SOHLH2: variants seen among roughly 807,000 people sequenced by gnomAD.
The protein encoded by SOHLH2 is spermatogenesis and oogenesis specific basic helix-loop-helix 2.
In SOHLH2, 22 loss-of-function variants were observed where a neutral mutation model predicts 50.4. That is an observed-to-expected ratio of 0.44 (90% CI 0.31 to 0.62). The LOEUF (loss-of-function observed/expected upper bound fraction) is 0.62. Ranked by LOEUF, SOHLH2 falls within the 20% of genes least tolerant of loss-of-function variation. SOHLH2 has a pLI of 0.08. For missense variants in SOHLH2, 412 were observed against 504.4 expected, an observed-to-expected ratio of 0.82 and a Z score of 1.76; for synonymous variants, 185 against 187.3, an observed-to-expected ratio of 0.99 and a Z score of 0.10.
At chr13:36,202,491 T>C (rs1868482250) in intron 1 of SOHLH2, among the ~76,000 whole-genome samples, 5 of 152,252 alleles carry the variant, frequency 3.3e-5, no homozygotes, top group Admixed American at 3.3e-4. Flanking sequence ...TGATTTATTT[T>C]GGTGAAACAC....
Position 36,214,507 on chromosome 13 carries a change from C to T in SOHLH2, c.20G>A (p.Cys7Tyr), listed in dbSNP as rs775577345. Residue 7 changes from cysteine to tyrosine, a missense_variant, in exon 1 of 11, where the codon TGC becomes TAC. By Grantham distance (194) the Cys-to-Tyr change is radical. Coordinates refer to ENST00000379881, the MANE Select transcript of SOHLH2 (RefSeq NM_017826.3). ...GCCCGAGATCTGGCAGTGCTCCTGG[C>T]AGATAATTGAGGAAGCCATGGCCGC... is the stretch of plus-strand genomic sequence containing the variant. Reference protein sequence around the residue: MASSIICQEHCQISGQA... With the variant: MASSIIYQEHCQISGQA... 1.2e-6 allele frequency: 2 copies of T among 1,612,758 alleles called. No homozygotes were observed. Among genetic ancestry groups the T allele is most frequent in the Non-Finnish European group, 1.7e-6 (2 of 1,179,534 alleles).
At chr13:36,198,360 C>T (rs77358904) in intron 2 of SOHLH2, among the ~76,000 whole-genome samples, 4,392 of 152,258 alleles carry the variant, frequency 0.029, 86 homozygotes, top group African/African-American at 0.05. Context: ...TCTGAATTAT[C>T]AAGTATCTGC....
chr13:36,175,836 G>A (rs913697854), intron 6 of SOHLH2, among the ~76,000 whole-genome samples: 20 of 152,126 alleles, frequency 1.3e-4, no homozygotes, highest in African/African-American at 4.8e-4. Context: ...GAACTATTCT[G>A]GGAAGGGAAG....
chr13:36,176,063 A>G (rs927746497), intron 6 of SOHLH2, among the ~76,000 whole-genome samples: 2 of 152,198 alleles, frequency 1.3e-5, no homozygotes, highest in African/African-American at 4.8e-5. Flanking sequence ...GCTGCTGTAC[A>G]TTATTAGTTC....
chr13:36,205,770 A>C (rs547864269), intron 1 of SOHLH2, among the ~76,000 whole-genome samples: 10 of 152,184 alleles, frequency 6.6e-5, no homozygotes, highest in Admixed American at 4.6e-4. Flanking sequence ...AATAGTTTAT[A>C]AAACACAGAA....
At chr13:36,181,096 G>A (rs1028879021) in intron 6 of SOHLH2, among the ~76,000 whole-genome samples, 6 of 152,066 alleles carry the variant, frequency 3.9e-5, no homozygotes, top group Non-Finnish European at 7.4e-5. Flanking sequence ...AAAAGTTGAC[G>A]CTTGTATCAT....
intron 6 of SOHLH2, among the ~76,000 whole-genome samples, chr13:36,188,458 C>T (rs1287832192): frequency 6.6e-6 from 1 of 152,182 alleles, no homozygotes; most frequent in Non-Finnish European, 1.5e-5. Flanking sequence ...AAATACTTCA[C>T]ACCTTCATTT....
intron 6 of SOHLH2, among the ~76,000 whole-genome samples, chr13:36,183,742 T>C (rs553192190): frequency 6.6e-6 from 1 of 152,254 alleles, no homozygotes; most frequent in Non-Finnish European, 1.5e-5. Context: ...AAAAAAACCA[T>C]GCAAACACTA....
rs1392730331 is a variant in SOHLH2 at position 36,211,477 on chromosome 13, A to C, written c.48+3002T>G. Among the ~76,000 whole-genome samples, 5 of 152,386 alleles carry C rather than the reference A, an allele frequency of 3.3e-5. No homozygotes were observed. In the East Asian group the frequency reaches 9.6e-4, roughly 29 times the overall value. ...AGGTCCTTGCCCTCATGGGGCTTAC[A>C]TTCTAATAGCCCTTTTCTCTGCTGA... On this transcript the variant is annotated intron_variant, in intron 1 of 10. Transcript: ENST00000379881.
intron 6 of SOHLH2, among the ~76,000 whole-genome samples, chr13:36,187,954 G>A (rs1004303178): frequency 2.0e-5 from 3 of 152,102 alleles, no homozygotes; most frequent in African/African-American, 7.2e-5. Context: ...AAGTGGCCTG[G>A]GCCCAGGCCT....
intron 9 of SOHLH2, among the ~76,000 whole-genome samples, chr13:36,172,345 C>T (rs1886982260): frequency 1.3e-5 from 2 of 152,210 alleles, no homozygotes; most frequent in Admixed American, 1.3e-4. Flanking sequence ...TCACATTCAG[C>T]CACTGCTACT....
intron 1 of SOHLH2, among the ~76,000 whole-genome samples, chr13:36,205,802 G>A (rs1868724579): frequency 6.6e-6 from 1 of 151,896 alleles, no homozygotes; most frequent in Non-Finnish European, 1.5e-5. Flanking sequence ...CTTAAGTTTA[G>A]GTAAAACATG....
At chr13:36,172,349 T>C (rs1215783516) in intron 9 of SOHLH2, among the ~76,000 whole-genome samples, 1 of 152,248 alleles carries the variant, frequency 6.6e-6, no homozygotes, top group African/African-American at 2.4e-5. Context: ...ATTCAGCCAC[T>C]GCTACTTATG....
intron 1 of SOHLH2, among the ~76,000 whole-genome samples, chr13:36,203,891 T>C (rs1020222300): frequency 2.0e-5 from 3 of 152,052 alleles, no homozygotes; most frequent in Non-Finnish European, 4.4e-5. Flanking sequence ...GTTTATACAG[T>C]CTGGATATTA....
intron 8 of SOHLH2, among the ~76,000 whole-genome samples, 154 bp downstream of exon 8, chr13:36,174,322 C>T (rs954025505): frequency 2.0e-5 from 3 of 152,174 alleles, no homozygotes; most frequent in South Asian, 2.1e-4. Flanking sequence ...ATCACTGCAA[C>T]GAAATGATAC....
chr13:36,211,162 AGGGTGTAT>A (rs1192851168), intron 1 of SOHLH2, among the ~76,000 whole-genome samples: 1 of 152,244 alleles, frequency 6.6e-6, no homozygotes, highest in African/African-American at 2.4e-5. Context: ...TAATACGATC[AGGGTGTAT>A]GGCCATATAA....
intron 4 of SOHLH2, among the ~76,000 whole-genome samples, chr13:36,192,439 A>G (rs1006651706): frequency 3.3e-5 from 5 of 152,176 alleles, no homozygotes; most frequent in African/African-American, 1.2e-4. Context: ...CTCGGTCACC[A>G]AAGTTAGCCA....
At chr13:36,173,662 T>C (rs758026740) in intron 9 of SOHLH2, 30 bp downstream of exon 9, 135 of 1,611,618 alleles carry the variant, frequency 8.4e-5, no homozygotes, top group Non-Finnish European at 1.0e-4. Flanking sequence ...GGTCCCCCTC[T>C]AAGTGGCACA....
chr13:36,170,390 C>A, intron 10 of SOHLH2, 141 bp downstream of exon 10: 1 of 1,386,176 alleles, frequency 7.2e-7, no homozygotes, highest in Non-Finnish European at 9.5e-7. Context: ...CTCCTTTTCA[C>A]TCATCAGGGT....
Sources: gnomAD v4.1 joint callset for allele counts (sites outside exome capture counted in the v4.1 genomes callset) on GRCh38, gnomAD v4.1.1 for gene constraint, MANE v1.5 for transcripts, NCBI Gene and HGNC (gene_info 2026-07-23, HGNC 2026-07-21) for gene names.